The following CERS3 variants were observed in gnomAD, a reference collection of about 807,000 sequenced individuals.
The protein encoded by CERS3 is LAG1 homolog, ceramide synthase 3.
In CERS3, 33 loss-of-function variants were observed where a neutral mutation model predicts 50.3. The observed-to-expected ratio is 0.66, with a 90% CI of 0.50 to 0.88. CERS3 has a LOEUF of 0.88. CERS3 is among the 40% of genes least tolerant of loss of function. The probability of loss-of-function intolerance (pLI) is 0.00; values close to 1 mark genes in which losing one functional copy is unlikely to be tolerated. For synonymous variants in CERS3, 176 were observed against 155.2 expected, an observed-to-expected ratio of 1.13 and a Z score of -0.99; for missense variants, 470 against 460.3, an observed-to-expected ratio of 1.02 and a Z score of -0.19.
At chr15:100,426,445 A>C (rs957884139) in intron 11 of CERS3, among the ~76,000 whole-genome samples, 4 of 152,344 alleles carry the variant, frequency 2.6e-5, no homozygotes, top group East Asian at 1.9e-4. Context: ...AGACATAATA[A>C]ATATACAGAG....
At chr15:100,523,590 C>T (rs1484938719) in intron 1 of CERS3, among the ~76,000 whole-genome samples, 1 of 151,234 alleles carries the variant, frequency 6.6e-6, no homozygotes, top group East Asian at 2.0e-4. Context: ...AGTCCCAGCT[C>T]CTTGGGAGGC....
intron 4 of CERS3, among the ~76,000 whole-genome samples, chr15:100,490,139 T>A (rs1172290404): frequency 6.6e-6 from 1 of 152,216 alleles, no homozygotes; most frequent in Non-Finnish European, 1.5e-5. Context: ...TGTGGAAATA[T>A]AACAAAACTG....
In CERS3 at chr15:100,402,171, C is replaced by G. The variant is rs117447712; in HGVS notation, c.*542G>C. Reference sequence around the variant, plus strand: ...TGATCTCACTTAATCCTTGCTGTAACCCTGTGGGGTGGCAGGCAGGGACTG... The same window carrying G: ...TGATCTCACTTAATCCTTGCTGTAAGCCTGTGGGGTGGCAGGCAGGGACTG... On this transcript the variant is annotated 3_prime_UTR_variant, in exon 12 of 12. Transcript: ENST00000679737. The G allele has an allele frequency of 0.016, 2,513 of 153,438 alleles. 31 individuals are homozygous for G. Among genetic ancestry groups the G allele is most frequent in the Admixed American group, 0.027 (423 of 15,470 alleles). The allele number at this position is 153,438 out of a possible 1,614,324, so 9.5% of individuals were successfully genotyped here. A position where few individuals can be genotyped will look rare whatever the true frequency, so the allele number is the denominator to read the frequency against.
chr15:100,468,938 A>G (rs1158434737), intron 10 of CERS3, among the ~76,000 whole-genome samples: 2 of 152,230 alleles, frequency 1.3e-5, no homozygotes, highest in Admixed American at 6.5e-5. Flanking sequence ...CTTATGAGTT[A>G]TTGTGTAGAC....
intron 8 of CERS3, 150 bp from the exon 9 acceptor site, chr15:100,473,202 T>C: frequency 2.5e-6 from 2 of 806,302 alleles, no homozygotes; most frequent in Non-Finnish European, 3.8e-6. Context: ...ACACAATCTT[T>C]GTGAGGGAGC....
intron 11 of CERS3, among the ~76,000 whole-genome samples, chr15:100,427,666 G>C (rs1330867016): frequency 6.6e-6 from 1 of 152,208 alleles, no homozygotes; most frequent in African/African-American, 2.4e-5. Flanking sequence ...ACGATGAAGT[G>C]ATGAAGATTG....
intron 11 of CERS3, among the ~76,000 whole-genome samples, chr15:100,408,272 C>A (rs979009612): frequency 6.6e-6 from 1 of 152,156 alleles, no homozygotes; most frequent in African/African-American, 2.4e-5. Context: ...TACTTTTCTT[C>A]GTTTGGAAAC....
intron 1 of CERS3, among the ~76,000 whole-genome samples, chr15:100,541,333 G>A (rs992681902): frequency 8.5e-5 from 13 of 152,166 alleles, no homozygotes; most frequent in African/African-American, 2.4e-4. Flanking sequence ...TTAGCCGGGC[G>A]TGATGGCGCA....
At chr15:100,477,689 G>A (rs1344934385) in intron 7 of CERS3, among the ~76,000 whole-genome samples, 1 of 152,138 alleles carries the variant, frequency 6.6e-6, no homozygotes, top group African/African-American at 2.4e-5. Flanking sequence ...GCAGTATGGA[G>A]CCCAGAGACT....
At chr15:100,504,239 CTT>C (rs55640205) in intron 2 of CERS3, among the ~76,000 whole-genome samples, 37,560 of 109,434 alleles carry the variant, frequency 0.34, 5,394 homozygotes, top group East Asian at 0.48. Context: ...TTGGACTATT[CTT>C]TTTTTTTTTT....
At chr15:100,534,625 A>T (rs1162885005) in intron 1 of CERS3, among the ~76,000 whole-genome samples, 5 of 151,342 alleles carry the variant, frequency 3.3e-5, no homozygotes, top group African/African-American at 1.2e-4. Flanking sequence ...TGCACATCTG[A>T]TGGCCTCATT....
At chr15:100,531,458 T>C (rs1485183095), upstream of CERS3, among the ~76,000 whole-genome samples, 1 of 152,220 alleles carries the variant, frequency 6.6e-6, no homozygotes, top group Non-Finnish European at 1.5e-5. Context: ...GTGAAGACTT[T>C]GTGGGAGCTG....
chr15:100,513,793 T>G (rs1248206847), intron 2 of CERS3, among the ~76,000 whole-genome samples: 1 of 152,170 alleles, frequency 6.6e-6, no homozygotes, highest in Non-Finnish European at 1.5e-5. Flanking sequence ...CACCTCAGCT[T>G]TCCAAAGTGC....
In CERS3 at chr15:100,473,012, C is replaced by CTAA. The variant is rs751173964; in HGVS notation, c.647_649dup (p.Ile216dup). ...AGCACACCAAGAGAAGCTCATCAGA[C>CTAA]TAATAGCAGCCAGGTGGTGGATGAT... On this transcript the variant is annotated inframe_insertion, in exon 9 of 12. Transcript: ENST00000679737. 1.9e-6 allele frequency: 3 copies of CTAA among 1,613,810 alleles called. No individual in the cohort carries two copies. Among genetic ancestry groups the CTAA allele is most frequent in the Non-Finnish European group, 2.5e-6 (3 of 1,179,904 alleles).
rs1398939924 is a variant in CERS3, at chr15:100,402,399, G to T, written c.*314C>A. 12 of 303,108 alleles carry T rather than the reference G, an allele frequency of 4.0e-5. No homozygotes were observed. The East Asian group carries it at 9.0e-4, about 23-fold the overall frequency. 18.8% of individuals were successfully genotyped at this position (303,108 alleles called of 1,614,324 possible). ...ACAGGCAAGGTGGCGAGGCGAAAGGGTCTATAACAAAGCGAGCCCCTGAGA... is the reference window on the plus strand; with the variant it reads ...ACAGGCAAGGTGGCGAGGCGAAAGGTTCTATAACAAAGCGAGCCCCTGAGA... On this transcript the variant is annotated 3_prime_UTR_variant, in exon 12 of 12. Transcript: ENST00000679737.
intron 11 of CERS3, among the ~76,000 whole-genome samples, chr15:100,405,105 T>C (rs1444914167): frequency 4.6e-5 from 7 of 151,864 alleles, no homozygotes; most frequent in Non-Finnish European, 1.0e-4. Flanking sequence ...TTCATCAAAA[T>C]TAAAAACTTT....
intron 7 of CERS3, among the ~76,000 whole-genome samples, chr15:100,477,272 T>C (rs2035159788): frequency 2.0e-5 from 3 of 152,220 alleles, no homozygotes; most frequent in Admixed American, 1.3e-4. Context: ...TTGGTCTAGC[T>C]AATTCTTAGG....
At chr15:100,421,158 C>T (rs1304540955) in intron 11 of CERS3, among the ~76,000 whole-genome samples, 2 of 151,792 alleles carry the variant, frequency 1.3e-5, no homozygotes, top group African/African-American at 4.9e-5. Flanking sequence ...TGTTTGCAGA[C>T]AACATGATTG....
intron 3 of CERS3, among the ~76,000 whole-genome samples, chr15:100,496,996 G>A (rs2035834612): frequency 6.6e-6 from 1 of 152,070 alleles, no homozygotes; most frequent in Non-Finnish European, 1.5e-5. Context: ...TGCCCCAGAT[G>A]TACACAGAGC....
Sources: allele counts gnomAD v4.1 joint callset (sites outside exome capture counted in the v4.1 genomes callset), GRCh38; gene constraint gnomAD v4.1.1; transcripts MANE v1.5; gene names NCBI Gene and HGNC (gene_info 2026-07-23, HGNC 2026-07-21).